ACIN1: variants seen among roughly 807,000 people sequenced by gnomAD.
ACIN1 encodes apoptotic chromatin condensation inducer in the nucleus.
Under a neutral mutation model 146.6 loss-of-function variants are expected in ACIN1, and 16 were observed. The observed-to-expected ratio is 0.11, with a 90% confidence interval of 0.07 to 0.17. The LOEUF (loss-of-function observed/expected upper bound fraction) is 0.17. Among genes scored for constraint, ACIN1 ranks in the 10% least tolerant of loss-of-function variants. ACIN1 has a pLI of 1.00. For missense variants in ACIN1, 1,357 were observed against 1,609.3 expected (o/e 0.84, Z 2.68); for synonymous variants, 569 against 582.7 (o/e 0.98, Z 0.34).
At chr14:23,071,446 T>C in intron 8 of ACIN1, 6 of 1,551,684 alleles carry the variant, frequency 3.9e-6, no homozygotes, top group Non-Finnish European at 4.4e-6. Flanking sequence ...CGAGTTCGGC[T>C]GGATTGGTCT....
In ACIN1 at chr14:23,095,127, T is replaced by C; in HGVS notation, c.-15A>G. ...AGCTCCGCCATCTTGCGTGAGGTAC[T>C]CGGGTCCGTCCCGACGGCTTCGGGC... On this transcript the variant is annotated 5_prime_UTR_variant, in exon 1 of 19. Transcript: ENST00000605057. The C allele has an allele frequency of 2.5e-6, 4 of 1,614,254 alleles. No individual in the cohort carries two copies. Among genetic ancestry groups the C allele is most frequent in the Non-Finnish European group, 3.4e-6 (4 of 1,180,052 alleles).
chr14:23,066,026 AGGGG>A lies in ACIN1; in HGVS notation c.2266-22_2266-19del. ...AGCGAGCTCTGTATGAAGAAGAAAA[AGGGG>A]AAAAAAAAGAGAAAGAGAGACACCC... On this transcript the variant is annotated intron_variant, in intron 9 of 18. Coordinates refer to ENST00000605057, the MANE Select transcript of ACIN1 (RefSeq NM_001386863.1). 1 of 1,611,510 alleles carries A rather than the reference AGGGG, an allele frequency of 6.2e-7. No individual in the cohort carries two copies. The highest frequency in any genetic ancestry group is 1.3e-5 in the African/African-American group (1 of 74,908).
intron 8 of ACIN1, among the ~76,000 whole-genome samples, chr14:23,071,994 G>A (rs984408655): frequency 3.3e-5 from 5 of 152,182 alleles, no homozygotes; most frequent in Non-Finnish European, 7.4e-5. Context: ...AATGTTTTAT[G>A]TGCCTACCAT....
At chr14:23,094,386 C>A in intron 1 of ACIN1, 1 of 760,578 alleles carries the variant, frequency 1.3e-6, no homozygotes, top group African/African-American at 1.9e-5. Context: ...GCCTCTCTCA[C>A]CAATATTCAC....
chr14:23,090,684 T>C, intron 2 of ACIN1, 51 bp from the exon 3 acceptor site: 2 of 1,423,110 alleles, frequency 1.4e-6, no homozygotes, highest in Non-Finnish European at 2.0e-6. Context: ...ACCAGGAGAA[T>C]GCAAAGAAGA....
At chr14:23,071,180 T>A in intron 8 of ACIN1, 7 of 1,545,652 alleles carry the variant, frequency 4.5e-6, no homozygotes, top group Non-Finnish European at 6.1e-6. Flanking sequence ...GTGCTGTTTA[T>A]CCCTTTCTGG....
Position 23,068,208 on chromosome 14 carries a change from C to T in ACIN1, c.2265+1268G>A. 1 of 985,932 alleles carries T rather than the reference C, an allele frequency of 1.0e-6. No individual in the cohort carries two copies. Among genetic ancestry groups the T allele is most frequent in the African/African-American group, 1.7e-5 (1 of 57,354 alleles). 61.1% of individuals were successfully genotyped at this position (985,932 alleles called of 1,614,324 possible). On this transcript the variant is annotated intron_variant, in intron 9 of 18. Coordinates refer to ENST00000605057, the MANE Select transcript of ACIN1 (RefSeq NM_001386863.1). This position sits in a 1 kb window ranked among gnomAD's most constrained non-coding sequence, Gnocchi z 4.3. ...CACAGCTTAAGTAGAGGGTCCCACT[C>T]AGTGTTTTACAGCATGGCACTGCGA...
In ACIN1 at chr14:23,059,481, C is replaced by T; in HGVS notation, c.3526-7G>A. ...CTGCCTCTTTCTGAACGATCTGTAG[C>T]CAGGTAGGAAAGGCAGAGAATAGGC... On this transcript the variant is annotated splice_region_variant and splice_polypyrimidine_tract_variant and intron_variant, in intron 18 of 18. Transcript: ENST00000605057. 1 of 1,612,126 alleles carries T rather than the reference C, an allele frequency of 6.2e-7. No homozygotes were observed. Among genetic ancestry groups the T allele is most frequent in the Non-Finnish European group, 8.5e-7 (1 of 1,178,954 alleles).
chr14:23,071,815 T>C (rs970813454), intron 8 of ACIN1, among the ~76,000 whole-genome samples: 5 of 152,044 alleles, frequency 3.3e-5, no homozygotes, highest in Admixed American at 3.3e-4. Context: ...GGAGGACATG[T>C]AAAGTTACAG....
Position 23,079,043 on chromosome 14 carries a change from A to C in ACIN1, c.1789-5T>G, listed in dbSNP as rs544462234. On this transcript the variant is annotated splice_region_variant and splice_polypyrimidine_tract_variant and intron_variant, in intron 6 of 18. Transcript: ENST00000605057. ...GGAGACTCCAGGGCTCAGAGACTAA[A>C]ACAAAATGAAACACATAACAAGGAA... 1.0e-4 allele frequency: 161 copies of C among 1,610,408 alleles called. 2 individuals carry two copies. The South Asian group carries it at 1.6e-3, about 16-fold the overall frequency.
chr14:23,092,867 C>A (rs1299566231), intron 2 of ACIN1, among the ~76,000 whole-genome samples: 1 of 152,152 alleles, frequency 6.6e-6, no homozygotes, highest in East Asian at 1.9e-4. Context: ...AGCAGCTCCA[C>A]AAAACCCTAA....
rs1028252760 is a variant in ACIN1, at chr14:23,071,611, A to AG, written c.2124-1995dup. On this transcript the variant is annotated intron_variant, in intron 8 of 18. Coordinates refer to ENST00000605057, the MANE Select transcript of ACIN1 (RefSeq NM_001386863.1). ...GGATGGGGGAGGGCCTTGCTGCAGC[A>AG]GGGGAGGGGAAAGAAAAGAGGGAGG... 96 of 1,481,078 alleles carry AG rather than the reference A, an allele frequency of 6.5e-5. 3 individuals are homozygous for AG. The highest frequency in any genetic ancestry group is 4.1e-4 in the South Asian group (32 of 78,494). The allele number at this position is 1,481,078 out of a possible 1,614,324, so 91.7% of individuals were successfully genotyped here.
At chr14:23,072,700 C>A (rs1481129306) in intron 8 of ACIN1, among the ~76,000 whole-genome samples, 1 of 152,164 alleles carries the variant, frequency 6.6e-6, no homozygotes, top group East Asian at 1.9e-4. Flanking sequence ...AGCTTTTAAG[C>A]TAGGAATGAA....
Position 23,063,367 on chromosome 14 carries a change from G to T in ACIN1, c.2737+69C>A, listed in dbSNP as rs899470599. 9 of 1,549,134 alleles carry T rather than the reference G, an allele frequency of 5.8e-6. No homozygotes were observed. In the South Asian group the frequency reaches 1.1e-4, roughly 19 times the overall value. On this transcript the variant is annotated intron_variant, in intron 13 of 18. Coordinates refer to ENST00000605057, the MANE Select transcript of ACIN1 (RefSeq NM_001386863.1). ...AGGCAGGAAACATTCAAAGCTTTCA[G>T]CGATCCAAATGAGGTGCTCTGAGAA...
Position 23,093,740 on chromosome 14 carries a change from T to C in ACIN1, c.139-196A>G, listed in dbSNP as rs557898859. On this transcript the variant is annotated intron_variant, in intron 1 of 18. Coordinates refer to ENST00000605057, the MANE Select transcript of ACIN1 (RefSeq NM_001386863.1). ...TTCAGAAGACCCATAAAGGTAGCCA[T>C]GGTTACTGTTACTAAATGTACAGAT... Among the ~76,000 whole-genome samples the C allele has an allele frequency of 1.2e-4, 19 of 152,354 alleles. No individual in the cohort carries two copies. The South Asian group carries it at 2.3e-3, about 18-fold the overall frequency.
intron 4 of ACIN1, among the ~76,000 whole-genome samples, chr14:23,086,757 G>T (rs1164290554): frequency 6.6e-6 from 1 of 152,198 alleles, no homozygotes; most frequent in Non-Finnish European, 1.5e-5. Flanking sequence ...TTACAGGTGT[G>T]AGACACCACA....
At chr14:23,090,481 G>A in intron 3 of ACIN1, 41 bp downstream of exon 3, 1 of 1,561,516 alleles carries the variant, frequency 6.4e-7, no homozygotes, top group South Asian at 1.1e-5. Flanking sequence ...ACAGGGATAA[G>A]AATGACGAAC....
Position 23,090,559 on chromosome 14 carries a change from A to T in ACIN1, c.279T>A (p.Arg93=), listed in dbSNP as rs1488396004. The change falls in exon 3 of 19, where the codon CGT becomes CGA. Residue 93 remains arginine, a synonymous_variant. Coordinates refer to ENST00000605057, the MANE Select transcript of ACIN1 (RefSeq NM_001386863.1). Reference sequence around the variant, plus strand: ...CAGCTTCTCGAGCTTCACGTTCCAGACGCTGCCTAAGTAGCTCCTGCTGCT... The same window carrying T: ...CAGCTTCTCGAGCTTCACGTTCCAGTCGCTGCCTAAGTAGCTCCTGCTGCT... ...LEKQQELLRQ[R]LEREAREAAE... 1.2e-6 allele frequency: 2 copies of T among 1,614,052 alleles called. No individual in the cohort carries two copies. Among genetic ancestry groups the T allele is most frequent in the Non-Finnish European group, 1.7e-6 (2 of 1,179,952 alleles).
intron 8 of ACIN1, among the ~76,000 whole-genome samples, chr14:23,074,232 A>G (rs76399704): frequency 0.022 from 3,401 of 151,716 alleles, 139 homozygotes; most frequent in African/African-American, 0.078. Context: ...CCCCATGATC[A>G]ATTCTGTGGG....
Sources: allele counts gnomAD v4.1 joint callset (sites outside exome capture counted in the v4.1 genomes callset), GRCh38; gene constraint gnomAD v4.1.1; non-coding constraint Gnocchi (gnomAD v3.1); transcripts MANE v1.5; gene names NCBI Gene and HGNC (gene_info 2026-07-23, HGNC 2026-07-21).